Variants in LINGO2 observed in about 807,000 individuals in gnomAD.
LINGO2 encodes the protein leucine-rich repeat and immunoglobulin-like domain-containing nogo receptor-interacting protein 2.
A neutral mutation model predicts 30.6 loss-of-function variants in LINGO2; 14 were observed. The ratio of observed to expected loss-of-function variants is 0.46; its 90% CI spans 0.30 to 0.72. The LOEUF is 0.72. Among genes scored for constraint, LINGO2 ranks in the 30% least tolerant of loss-of-function variants. LINGO2 has a pLI of 0.07. For synonymous variants in LINGO2, 317 were observed against 288.5 expected, an observed-to-expected ratio of 1.10 and a Z score of -1.00; for missense variants, 729 against 751.7, an observed-to-expected ratio of 0.97 and a Z score of 0.35.
At chr9:29,166,440 T>C in the LINGO2 span, among the ~76,000 whole-genome samples, 3 of 152,092 alleles carry the variant, frequency 2.0e-5, no homozygotes, top group Admixed American at 6.6e-5. Flanking sequence ...TCTCCAGTTA[T>C]AGAGTCTCAG....
At chr9:29,046,695 T>A in the LINGO2 span, among the ~76,000 whole-genome samples, 5 of 152,244 alleles carry the variant, frequency 3.3e-5, no homozygotes, top group Non-Finnish European at 5.9e-5. Flanking sequence ...AAAGATTTCA[T>A]GATAAAGCCA....
intron 2 of LINGO2, among the ~76,000 whole-genome samples, chr9:28,450,678 G>T (rs1483317171): frequency 6.6e-6 from 1 of 152,010 alleles, no homozygotes; most frequent in East Asian, 1.9e-4. Flanking sequence ...CATTGTTTCT[G>T]CTACCATCAA....
the LINGO2 span, among the ~76,000 whole-genome samples, chr9:29,009,519 C>G: frequency 1.3e-5 from 2 of 151,872 alleles, no homozygotes; most frequent in Admixed American, 6.6e-5. Context: ...CACTGCTCAA[C>G]GAAATAAAAG....
intron 1 of LINGO2, among the ~76,000 whole-genome samples, chr9:28,573,213 GAGA>G (rs1823791874): frequency 6.6e-6 from 1 of 152,154 alleles, no homozygotes; most frequent in Non-Finnish European, 1.5e-5. Context: ...CATAAGTAAA[GAGA>G]AGGTTTCAGC....
At chr9:28,787,865 G>GA in the LINGO2 span, among the ~76,000 whole-genome samples, 1 of 152,040 alleles carries the variant, frequency 6.6e-6, no homozygotes, top group Admixed American at 6.6e-5. Context: ...TTACATGGTG[G>GA]AAGCACATTC....
chr9:28,854,057 AG>A, the LINGO2 span, among the ~76,000 whole-genome samples: 1 of 151,976 alleles, frequency 6.6e-6, no homozygotes, highest in African/African-American at 2.4e-5. Context: ...TGGCAATGAC[AG>A]GAGACATTTT....
chr9:29,172,991 T>C, the LINGO2 span, among the ~76,000 whole-genome samples: 13 of 152,022 alleles, frequency 8.6e-5, no homozygotes, highest in African/African-American at 2.9e-4. Flanking sequence ...TCTAGTATAA[T>C]GTTATTCTAT....
chr9:29,033,177 G>A, the LINGO2 span, among the ~76,000 whole-genome samples: 6 of 151,838 alleles, frequency 4.0e-5, no homozygotes, highest in African/African-American at 1.2e-4. Context: ...TCATGTGAAC[G>A]ATGTATGCCA....
chr9:28,771,452 G>GGGGT, the LINGO2 span, among the ~76,000 whole-genome samples: 6 of 120,290 alleles, frequency 5.0e-5, no homozygotes, highest in African/African-American at 1.5e-4. Context: ...TTTCCTATTT[G>GGGGT]GTGTGTGTGT....
the LINGO2 span, among the ~76,000 whole-genome samples, chr9:28,961,131 TG>T: frequency 1.3e-5 from 2 of 152,180 alleles, no homozygotes; most frequent in African/African-American, 4.8e-5. Flanking sequence ...CTGTAAGGTT[TG>T]GAATAATTGG....
the LINGO2 span, among the ~76,000 whole-genome samples, chr9:28,685,326 C>T: frequency 1.3e-5 from 2 of 152,008 alleles, no homozygotes; most frequent in Admixed American, 6.6e-5. Flanking sequence ...ACCTCTTCCA[C>T]CTGAAGAATT....
At chr9:29,047,700 A>G in the LINGO2 span, among the ~76,000 whole-genome samples, 1 of 152,234 alleles carries the variant, frequency 6.6e-6, no homozygotes, top group Non-Finnish European at 1.5e-5. Flanking sequence ...TTTGCAGATT[A>G]TATGATCTTA....
intron 4 of LINGO2, among the ~76,000 whole-genome samples, chr9:28,283,582 T>C (rs1587386344): frequency 1.3e-5 from 2 of 152,272 alleles, no homozygotes; most frequent in East Asian, 3.9e-4. Context: ...ACCAGGTTAA[T>C]ATTATGAAAA....
intron 1 of LINGO2, among the ~76,000 whole-genome samples, chr9:28,565,427 C>T (rs1294821035): frequency 6.6e-6 from 1 of 151,324 alleles, no homozygotes; most frequent in South Asian, 2.1e-4. Context: ...CCTCGTGATA[C>T]CCCTGCCTCA....
intron 1 of LINGO2, among the ~76,000 whole-genome samples, chr9:28,641,912 T>G (rs1827606460): frequency 6.6e-6 from 1 of 152,128 alleles, no homozygotes. Context: ...AGAACTGTTC[T>G]CAGTTCCAGA....
At chr9:28,403,947 A>G (rs1822384697) in intron 2 of LINGO2, among the ~76,000 whole-genome samples, 1 of 152,092 alleles carries the variant, frequency 6.6e-6, no homozygotes, top group African/African-American at 2.4e-5. Flanking sequence ...TAAGATGAAG[A>G]TTAATTTAGT....
intron 4 of LINGO2, among the ~76,000 whole-genome samples, chr9:28,118,365 T>C (rs980644180): frequency 2.6e-5 from 4 of 152,202 alleles, no homozygotes; most frequent in African/African-American, 9.7e-5. Context: ...AACTTACTTA[T>C]AATAAGCCAT....
At chr9:28,359,346 A>G (rs1458669547) in intron 3 of LINGO2, among the ~76,000 whole-genome samples, 1 of 152,178 alleles carries the variant, frequency 6.6e-6, no homozygotes, top group Non-Finnish European at 1.5e-5. Context: ...ACTTCTATAC[A>G]GCATAATTTC....
At chr9:28,546,818 C>T (rs1297860633) in intron 1 of LINGO2, among the ~76,000 whole-genome samples, 1 of 151,986 alleles carries the variant, frequency 6.6e-6, no homozygotes, top group Non-Finnish European at 1.5e-5. Flanking sequence ...TTCCAAAATG[C>T]CACACTCTGG....
Sources: allele counts gnomAD v4.1 joint callset (sites outside exome capture counted in the v4.1 genomes callset), GRCh38; gene constraint gnomAD v4.1.1; transcripts MANE v1.5; gene names NCBI Gene and HGNC (gene_info 2026-07-23, HGNC 2026-07-21).